The following MAP2K4 variants were observed in gnomAD, a reference collection of about 807,000 sequenced individuals.
MAP2K4 encodes mitogen-activated protein kinase kinase 4.
A neutral mutation model predicts 48.5 loss-of-function variants in MAP2K4; 4 were observed. The ratio of observed to expected loss-of-function variants is 0.08; its 90% confidence interval spans 0.04 to 0.19. The LOEUF (loss-of-function observed/expected upper bound fraction) is 0.19. Among genes scored for constraint, MAP2K4 ranks in the 10% least tolerant of loss-of-function variants. The pLI, the probability that MAP2K4 is intolerant of heterozygous loss-of-function variation, is 1.00. For synonymous variants in MAP2K4, 166 were observed against 173.1 expected (o/e 0.96, Z 0.32); for missense variants, 258 against 493.3 (o/e 0.52, Z 4.52).
At position 12,142,423 on chromosome 17, in the gene MAP2K4, G is replaced by A. The variant is rs761285228; in HGVS notation, c.*1163G>A. On this transcript the variant is annotated 3_prime_UTR_variant, in exon 11 of 11. Transcript: ENST00000353533. ...TGACTTGCGCTTAATCCAATATTTT[G>A]CCTTTTTTCTATATCAAAAAACCTT... is the stretch of plus-strand genomic sequence containing the variant. The A allele has an allele frequency of 8.6e-6, 2 of 232,716 alleles. No homozygotes were observed. The highest frequency in any genetic ancestry group is 1.7e-5 in the Non-Finnish European group (2 of 117,866). 14.4% of individuals were successfully genotyped at this position (232,716 alleles called of 1,614,324 possible).
intron 9 of MAP2K4, among the ~76,000 whole-genome samples, chr17:12,133,771 C>T (rs75274938): frequency 6.6e-6 from 1 of 152,180 alleles, no homozygotes; most frequent in East Asian, 1.9e-4. Context: ...TAAAAAGTCA[C>T]TAGGACGATA....
chr17:12,034,218 G>C (rs1969523271), intron 1 of MAP2K4, among the ~76,000 whole-genome samples: 1 of 152,210 alleles, frequency 6.6e-6, no homozygotes, highest in African/African-American at 2.4e-5. Context: ...AAGTAGCTTT[G>C]TATGTGGATT....
intron 4 of MAP2K4, among the ~76,000 whole-genome samples, chr17:12,106,234 T>C (rs1158251155): frequency 6.6e-6 from 1 of 152,180 alleles, no homozygotes; most frequent in Non-Finnish European, 1.5e-5. Context: ...ATTTAGATAG[T>C]GTCTCTAAAA....
chr17:12,058,232 T>C (rs1438022087), intron 2 of MAP2K4, among the ~76,000 whole-genome samples: 1 of 124,194 alleles, frequency 8.1e-6, no homozygotes, highest in African/African-American at 2.5e-5. Flanking sequence ...CCTTTCTTTT[T>C]TTTTTTTTTT....
chr17:12,075,884 A>G (rs1340372188), intron 2 of MAP2K4, among the ~76,000 whole-genome samples: 1 of 152,234 alleles, frequency 6.6e-6, no homozygotes, highest in Non-Finnish European at 1.5e-5. Context: ...TTCCCATAGT[A>G]TACAAAGATA....
chr17:12,075,257 G>A (rs1258951713), intron 2 of MAP2K4, among the ~76,000 whole-genome samples: 2 of 152,136 alleles, frequency 1.3e-5, no homozygotes, highest in Non-Finnish European at 2.9e-5. Flanking sequence ...TATAGAAAGG[G>A]GGCAGATGAG....
chr17:12,051,502 A>G (rs914378757), intron 1 of MAP2K4, among the ~76,000 whole-genome samples: 9 of 152,214 alleles, frequency 5.9e-5, no homozygotes, highest in African/African-American at 2.2e-4. Flanking sequence ...CTCCTGCTAT[A>G]GTTAAAGGGA....
intron 1 of MAP2K4, among the ~76,000 whole-genome samples, chr17:12,045,640 C>G (rs898869228): frequency 2.6e-5 from 4 of 152,186 alleles, no homozygotes; most frequent in African/African-American, 9.7e-5. Flanking sequence ...GTATCTTGTT[C>G]TTGTTACATT....
chr17:12,120,157 A>C (rs1972636660), intron 7 of MAP2K4, among the ~76,000 whole-genome samples: 1 of 152,098 alleles, frequency 6.6e-6, no homozygotes, highest in Non-Finnish European at 1.5e-5. Flanking sequence ...CTAAAGTAAA[A>C]GTTTAAAAAA....
At chr17:12,032,310 A>G in intron 1 of MAP2K4, 1 of 1,331,346 alleles carries the variant, frequency 7.5e-7, no homozygotes, top group Non-Finnish European at 9.9e-7. Context: ...TAAGCTACAA[A>G]TTTTATGATA....
At chr17:12,090,421 G>A (rs1308565063) in intron 3 of MAP2K4, among the ~76,000 whole-genome samples, 3 of 152,134 alleles carry the variant, frequency 2.0e-5, no homozygotes, top group Non-Finnish European at 4.4e-5. Flanking sequence ...AGGGTGACTG[G>A]CAAGGACCAC....
intron 9 of MAP2K4, among the ~76,000 whole-genome samples, chr17:12,130,636 A>G (rs1420669956): frequency 6.6e-6 from 1 of 152,158 alleles, no homozygotes; most frequent in Non-Finnish European, 1.5e-5. Flanking sequence ...ACAGTTTTAG[A>G]CATTGGAGTC....
At chr17:12,064,040 GAGAA>G (rs937109927) in intron 2 of MAP2K4, among the ~76,000 whole-genome samples, 7 of 149,060 alleles carry the variant, frequency 4.7e-5, no homozygotes, top group East Asian at 2.0e-4. Flanking sequence ...GAGAGAGAGA[GAGAA>G]AGAGACTAGA....
At chr17:12,086,973 A>G (rs1971387909) in intron 3 of MAP2K4, among the ~76,000 whole-genome samples, 2 of 152,068 alleles carry the variant, frequency 1.3e-5, no homozygotes, top group Non-Finnish European at 2.9e-5. Context: ...CAGCCTCCCA[A>G]GTAGCTGGGA....
intron 1 of MAP2K4, among the ~76,000 whole-genome samples, chr17:12,039,852 G>T (rs1216980386): frequency 2.6e-5 from 4 of 151,986 alleles, no homozygotes; most frequent in Admixed American, 6.6e-5. Flanking sequence ...TAAAAAATTG[G>T]TTAATTTATT....
At chr17:12,044,552 C>CA (rs1053793030) in intron 1 of MAP2K4, among the ~76,000 whole-genome samples, 16 of 152,150 alleles carry the variant, frequency 1.1e-4, no homozygotes, top group Non-Finnish European at 1.8e-4. Flanking sequence ...AGGAAAAACT[C>CA]AAACTTTTTT....
chr17:12,071,121 T>C (rs1970791705), intron 2 of MAP2K4, among the ~76,000 whole-genome samples: 1 of 152,252 alleles, frequency 6.6e-6, no homozygotes, highest in Non-Finnish European at 1.5e-5. Flanking sequence ...TTTGGTCTCC[T>C]ATAAGGATAG....
At chr17:12,111,583 A>G (rs531154217) in intron 6 of MAP2K4, among the ~76,000 whole-genome samples, 27 of 152,096 alleles carry the variant, frequency 1.8e-4, no homozygotes, top group Non-Finnish European at 3.1e-4. Context: ...TGATCACAGT[A>G]AAGCACCAAG....
In MAP2K4 at chr17:12,110,358, C is replaced by A; in HGVS notation, c.634-17C>A. ...AAGAAACAAGTTGTTTATCCCATCT[C>A]TCCTTTTTCTCCCTAGACTGTGAAA... is the stretch of plus-strand genomic sequence containing the variant. On this transcript the variant is annotated splice_polypyrimidine_tract_variant and intron_variant, in intron 5 of 10. Transcript: ENST00000353533. The A allele has an allele frequency of 6.3e-7, 1 of 1,594,262 alleles. No homozygotes were observed. The highest frequency in any genetic ancestry group is 1.1e-5 in the South Asian group (1 of 89,864).
Sources: allele counts gnomAD v4.1 joint callset (sites outside exome capture counted in the v4.1 genomes callset), GRCh38; gene constraint gnomAD v4.1.1; transcripts MANE v1.5; gene names NCBI Gene and HGNC (gene_info 2026-07-23, HGNC 2026-07-21).